ZSWIM6: variants seen among roughly 807,000 people sequenced by gnomAD.
The protein encoded by ZSWIM6 is zinc finger SWIM-type containing 6.
Under a neutral mutation model 113.2 loss-of-function variants are expected in ZSWIM6, and 9 were observed. The ratio of observed to expected loss-of-function variants is 0.08; its 90% CI spans 0.05 to 0.14. The LOEUF is 0.14. ZSWIM6 is among the 10% of genes least tolerant of loss of function. The probability of loss-of-function intolerance (pLI) is 1.00; values close to 1 mark genes in which losing one functional copy is unlikely to be tolerated. For synonymous variants in ZSWIM6, 611 were observed against 606.5 expected, an observed-to-expected ratio of 1.01 and a Z score of -0.11; for missense variants, 1,162 against 1,552.2, an observed-to-expected ratio of 0.75 and a Z score of 4.22.
intron 4 of ZSWIM6, among the ~76,000 whole-genome samples, chr5:61,511,127 CATATCTATT>C (rs1245618206): frequency 1.3e-5 from 2 of 152,042 alleles, no homozygotes; most frequent in East Asian, 3.9e-4. Flanking sequence ...GATAAAAGAC[CATATCTATT>C]ATAGCTTTGA....
chr5:61,354,992 A>C (rs1744869958), intron 1 of ZSWIM6, among the ~76,000 whole-genome samples: 1 of 152,190 alleles, frequency 6.6e-6, no homozygotes, highest in Non-Finnish European at 1.5e-5. Flanking sequence ...TTTACAGATC[A>C]TGAGTAATTA....
At chr5:61,384,779 C>T (rs1314052298) in intron 1 of ZSWIM6, among the ~76,000 whole-genome samples, 1 of 152,024 alleles carries the variant, frequency 6.6e-6, no homozygotes, top group Non-Finnish European at 1.5e-5. Flanking sequence ...TGGAGGAGGC[C>T]GGGCGCGGTG....
At chr5:61,434,111 A>G (rs1746646084) in intron 1 of ZSWIM6, among the ~76,000 whole-genome samples, 1 of 147,378 alleles carries the variant, frequency 6.8e-6, no homozygotes, top group Non-Finnish European at 1.5e-5. Flanking sequence ...TATATATAAC[A>G]TCTATAAATA....
chr5:61,490,999 GATC>G, intron 3 of ZSWIM6, 65 bp downstream of exon 3: 1 of 1,392,618 alleles, frequency 7.2e-7, no homozygotes. Flanking sequence ...ATCTGAATAT[GATC>G]ATGTCTACAA....
At chr5:61,541,838 G>A (rs566378288) in intron 12 of ZSWIM6, 46 bp from the exon 13 acceptor site, 1 of 1,371,064 alleles carries the variant, frequency 7.3e-7, no homozygotes, top group South Asian at 1.3e-5. Flanking sequence ...TTTTTTCATT[G>A]ACTCAGGATA....
At chr5:61,434,555 T>C (rs1382147313) in intron 1 of ZSWIM6, among the ~76,000 whole-genome samples, 1 of 152,162 alleles carries the variant, frequency 6.6e-6, no homozygotes. Context: ...GGTTTTCCAT[T>C]CCTGAGTCAT....
intron 1 of ZSWIM6, among the ~76,000 whole-genome samples, chr5:61,343,642 G>A (rs954011043): frequency 1.3e-5 from 2 of 152,088 alleles, no homozygotes; most frequent in Admixed American, 6.5e-5. Context: ...TGTTGGTAGA[G>A]GCCTGGTCAT....
In ZSWIM6 at chr5:61,543,853, A is replaced by G. The variant is rs1749811369; in HGVS notation, c.3184A>G (p.Asn1062Asp). 1.3e-6 allele frequency: 2 copies of G among 1,551,786 alleles called. No individual in the cohort carries two copies. ...LAMTHLNLSY[N>D]QDTHPAINDV... is the part of the protein sequence containing the mutation. ...CATGACCCATCTCAACCTGAGCTAC[A>G]ATCAGGACACACACCCTGCCATTAA... Residue 1062 changes from asparagine (N) to aspartate (D), a missense_variant, in exon 14 of 14, where the codon AAT (asparagine) becomes GAT (aspartate). Asn to Asp is a conservative substitution (Grantham distance 23, BLOSUM62 1). Coordinates refer to ENST00000252744, the MANE Select transcript of ZSWIM6 (RefSeq NM_020928.2). The surrounding 1 kb of genome is among the most constrained non-coding windows in gnomAD (Gnocchi z 4.3).
intron 1 of ZSWIM6, among the ~76,000 whole-genome samples, chr5:61,357,657 A>G (rs1561205779): frequency 6.6e-6 from 1 of 151,966 alleles, no homozygotes; most frequent in Non-Finnish European, 1.5e-5. Context: ...GGGTAAACAC[A>G]CCCAGAACTG....
intron 1 of ZSWIM6, among the ~76,000 whole-genome samples, chr5:61,334,923 G>T (rs1744362195): frequency 1.3e-5 from 2 of 149,794 alleles, no homozygotes; most frequent in African/African-American, 2.5e-5. Context: ...CCCTCTCCCT[G>T]TGCTTGACTC....
rs1554038978 is a variant in ZSWIM6, at chr5:61,505,599, T to TTTCCTTCCTTCC, written c.1333+11190_1333+11191insTCCTTCCTTCCT. On this transcript the variant is annotated intron_variant, in intron 4 of 13. Transcript: ENST00000252744. ...TTAATTGTTTTGGAATATCTATGAT[T>TTTCCTTCCTTCC]TACCTTCCTTCCTTCCTTCCTTCCT... 3.8e-4 allele frequency among the ~76,000 whole-genome samples: 45 copies of TTTCCTTCCTTCC among 119,970 alleles called. 4 individuals are homozygous for TTTCCTTCCTTCC. Among genetic ancestry groups the TTTCCTTCCTTCC allele is most frequent in the East Asian group, 2.7e-3 (11 of 4,042 alleles). The allele number at this position is 119,970 out of a possible 152,430, so 78.7% of individuals were successfully genotyped here.
At chr5:61,389,399 C>T (rs1344027512) in intron 1 of ZSWIM6, among the ~76,000 whole-genome samples, 2 of 151,324 alleles carry the variant, frequency 1.3e-5, no homozygotes, top group Admixed American at 6.6e-5. Context: ...ATTAAAAATA[C>T]AAAAAATTAG....
intron 9 of ZSWIM6, 77 bp downstream of exon 9, chr5:61,531,802 A>C (rs1561281741): frequency 1.4e-6 from 2 of 1,456,972 alleles, no homozygotes; most frequent in Non-Finnish European, 1.9e-6. Context: ...TAAAAGTGCT[A>C]TCTGAATGCA....
intron 2 of ZSWIM6, among the ~76,000 whole-genome samples, chr5:61,474,036 C>A (rs1353700555): frequency 6.6e-6 from 1 of 152,104 alleles, no homozygotes; most frequent in Admixed American, 6.5e-5. Flanking sequence ...TGAACTGTCA[C>A]CCAGGCCAAG....
chr5:61,516,964 A>G (rs996171924), intron 4 of ZSWIM6, among the ~76,000 whole-genome samples: 1 of 152,128 alleles, frequency 6.6e-6, no homozygotes, highest in Non-Finnish European at 1.5e-5. Context: ...TTAATGCTTT[A>G]AAGATATTGT....
chr5:61,451,477 T>C (rs1214785797), intron 1 of ZSWIM6, among the ~76,000 whole-genome samples: 1 of 152,090 alleles, frequency 6.6e-6, no homozygotes, highest in East Asian at 1.9e-4. Flanking sequence ...TTACTTGGAG[T>C]ACTAAGTTAA....
At chr5:61,355,869 T>C (rs1309015610) in intron 1 of ZSWIM6, among the ~76,000 whole-genome samples, 2 of 152,246 alleles carry the variant, frequency 1.3e-5, no homozygotes, top group African/African-American at 4.8e-5. Flanking sequence ...AGCCTGTTTA[T>C]TTTAATTTTT....
intron 1 of ZSWIM6, among the ~76,000 whole-genome samples, chr5:61,466,807 T>C (rs1561249098): frequency 6.6e-6 from 1 of 152,160 alleles, no homozygotes; most frequent in Non-Finnish European, 1.5e-5. Context: ...ATATCATGTG[T>C]CTCCTTGTTC....
chr5:61,517,982 C>T (rs1404730748), intron 4 of ZSWIM6, among the ~76,000 whole-genome samples: 1 of 128,654 alleles, frequency 7.8e-6, no homozygotes, highest in Non-Finnish European at 1.6e-5. Flanking sequence ...TGTTCCCCTT[C>T]CTGTGTCCAT....
Sources: allele counts gnomAD v4.1 joint callset (sites outside exome capture counted in the v4.1 genomes callset), GRCh38; gene constraint gnomAD v4.1.1; non-coding constraint Gnocchi (gnomAD v3.1); transcripts MANE v1.5; gene names NCBI Gene and HGNC (gene_info 2026-07-23, HGNC 2026-07-21).